Variants in RBFOX1 observed in about 807,000 individuals in gnomAD.
The protein encoded by RBFOX1 is RNA binding fox-1 homolog 1.
A neutral mutation model predicts 57.7 loss-of-function variants in RBFOX1; 8 were observed. That is an observed-to-expected ratio of 0.14 (90% CI 0.08 to 0.25). The LOEUF (loss-of-function observed/expected upper bound fraction) is 0.25. Ranked by LOEUF, RBFOX1 falls within the 10% of genes least tolerant of loss-of-function variation. RBFOX1 has a pLI of 1.00. For missense variants in RBFOX1, 611 were observed against 548.5 expected, an observed-to-expected ratio of 1.11 and a Z score of -1.14; for synonymous variants, 326 against 222.4, an observed-to-expected ratio of 1.47 and a Z score of -4.15.
intron 4 of RBFOX1, among the ~76,000 whole-genome samples, chr16:5,905,021 C>T (rs1322845237): frequency 6.2e-5 from 9 of 144,862 alleles, no homozygotes; most frequent in Non-Finnish European, 1.4e-4. Context: ...AAAATAAGTT[C>T]ACTGGGTGAG....
intron 2 of RBFOX1, among the ~76,000 whole-genome samples, chr16:6,470,758 C>A (rs1397670365): frequency 1.3e-5 from 2 of 152,168 alleles, no homozygotes; most frequent in East Asian, 3.8e-4. Flanking sequence ...AGGAGTTGGC[C>A]TTGACTTTTT....
chr16:6,457,636 C>G (rs187252536), intron 2 of RBFOX1, among the ~76,000 whole-genome samples: 6 of 152,234 alleles, frequency 3.9e-5, no homozygotes, highest in Admixed American at 2.0e-4. Context: ...ATTAAGGACC[C>G]GTTTTATGAG....
chr16:7,630,002 C>A (rs1433868611), intron 10 of RBFOX1, among the ~76,000 whole-genome samples: 1 of 152,266 alleles, frequency 6.6e-6, no homozygotes, highest in Middle Eastern at 3.4e-3. Context: ...TTCTGTTCTT[C>A]CTCTGAAGAA....
chr16:6,800,612 G>T (rs181278794), intron 3 of RBFOX1, among the ~76,000 whole-genome samples: 1 of 151,966 alleles, frequency 6.6e-6, no homozygotes, highest in African/African-American at 2.4e-5. Context: ...GCAAATTCAG[G>T]ATACCAACAT....
intron 4 of RBFOX1, among the ~76,000 whole-genome samples, chr16:5,879,021 A>G (rs148137282): frequency 6.6e-6 from 1 of 152,366 alleles, no homozygotes; most frequent in Admixed American, 6.5e-5. Context: ...TGTCTTCAGC[A>G]GCAGCACAGG....
rs575235024 is a variant in RBFOX1, at chr16:5,897,016, C to CTTTTTTTTTTTTTTTTTTTTTTTT, written c.351+29688_351+29711dup. 6.4e-4 allele frequency among the ~76,000 whole-genome samples: 36 copies of CTTTTTTTTTTTTTTTTTTTTTTTT among 56,468 alleles called. 7 individuals carry two copies. Among genetic ancestry groups the CTTTTTTTTTTTTTTTTTTTTTTTT allele is most frequent in the Middle Eastern group, 0.016 (1 of 62 alleles). The allele number at this position is 56,468 out of a possible 152,430, so 37.0% of individuals were successfully genotyped here. A position where few individuals can be genotyped will look rare whatever the true frequency, so the allele number is the denominator to read the frequency against. On this transcript the variant is annotated intron_variant, in intron 4 of 19. Coordinates refer to the RBFOX1 transcript ENST00000641259. Reference sequence around the variant, plus strand: ...CCCCCACTAAAAATGTATCCATCCGCTTTTTTTTTTTTTTTTTTTTTTTTT... The same window carrying CTTTTTTTTTTTTTTTTTTTTTTTT: ...CCCCCACTAAAAATGTATCCATCCGCTTTTTTTTTTTTTTTTTTTTTTTTTTTTTTTTTTTTTTTTTTTTTTTTT...
intron 2 of RBFOX1, among the ~76,000 whole-genome samples, chr16:6,609,656 C>T (rs930293589): frequency 6.6e-6 from 1 of 152,098 alleles, no homozygotes; most frequent in East Asian, 1.9e-4. Context: ...TGAAGTTAAC[C>T]CTATGTAAAG....
chr16:7,284,220 A>G (rs576622472), intron 4 of RBFOX1, among the ~76,000 whole-genome samples: 1 of 152,322 alleles, frequency 6.6e-6, no homozygotes, highest in Non-Finnish European at 1.5e-5. Flanking sequence ...TGATTATGAA[A>G]CAGTTGCTGT....
At chr16:5,331,292 C>T (rs899583970) in intron 1 of RBFOX1, among the ~76,000 whole-genome samples, 16 of 152,222 alleles carry the variant, frequency 1.1e-4, no homozygotes, top group East Asian at 3.8e-4. Context: ...CTTTGGGCTT[C>T]GTATCAGTCA....
intron 11 of RBFOX1, among the ~76,000 whole-genome samples, chr16:7,646,788 G>T (rs571457297): frequency 2.0e-5 from 3 of 152,128 alleles, no homozygotes; most frequent in African/African-American, 2.4e-5. Context: ...ATTTTCCACT[G>T]GTTTTGTGTT....
intron 1 of RBFOX1, among the ~76,000 whole-genome samples, chr16:5,247,521 A>T (rs542425302): frequency 1.3e-5 from 2 of 152,176 alleles, no homozygotes; most frequent in Non-Finnish European, 2.9e-5. Context: ...TACAAGATGG[A>T]TGGGTCCTTG....
intron 4 of RBFOX1, among the ~76,000 whole-genome samples, chr16:7,447,221 C>G (rs145171229): frequency 6.6e-6 from 1 of 151,894 alleles, no homozygotes; most frequent in African/African-American, 2.4e-5. Context: ...TAATTGAGGT[C>G]AGGAGTTCGA....
chr16:6,717,031 T>C (rs1243801722), intron 3 of RBFOX1, among the ~76,000 whole-genome samples: 2 of 152,110 alleles, frequency 1.3e-5, no homozygotes, highest in African/African-American at 4.8e-5. Context: ...CTCTCAACCA[T>C]GTGAGGATAC....
intron 4 of RBFOX1, among the ~76,000 whole-genome samples, chr16:7,091,196 A>G (rs1426313097): frequency 6.6e-6 from 1 of 151,606 alleles, no homozygotes; most frequent in East Asian, 1.9e-4. Flanking sequence ...ACATTTTCTC[A>G]TTTACATTCC....
At chr16:6,252,067 C>T (rs2097618586) in intron 1 of RBFOX1, among the ~76,000 whole-genome samples, 1 of 152,080 alleles carries the variant, frequency 6.6e-6, no homozygotes, top group South Asian at 2.1e-4. Flanking sequence ...GTTCGTGGCC[C>T]TGAGCATTTC....
At chr16:6,429,648 G>A in intron 2 of RBFOX1, among the ~76,000 whole-genome samples, 1 of 152,152 alleles carries the variant, frequency 6.6e-6, no homozygotes, top group Non-Finnish European at 1.5e-5. Flanking sequence ...TTGAATCATG[G>A]GGGCAGTTTC....
intron 5 of RBFOX1, among the ~76,000 whole-genome samples, chr16:7,523,354 A>G (rs1235919060): frequency 6.6e-6 from 1 of 152,236 alleles, no homozygotes; most frequent in East Asian, 1.9e-4. Context: ...GTGAGGATGC[A>G]GAGAAATTTT....
chr16:7,595,760 A>T (rs2094652123), intron 8 of RBFOX1, 119 bp downstream of exon 8: 1 of 282,726 alleles, frequency 3.5e-6, no homozygotes. Context: ...CTCATTGTTT[A>T]TATATATATA....
chr16:6,911,056 C>T (rs1596971350), intron 3 of RBFOX1, among the ~76,000 whole-genome samples: 1 of 151,916 alleles, frequency 6.6e-6, no homozygotes, highest in East Asian at 1.9e-4. Flanking sequence ...CAAAAATTAG[C>T]CGAGCGTGGT....
Sources: gnomAD v4.1 joint callset for allele counts (sites outside exome capture counted in the v4.1 genomes callset) on GRCh38, gnomAD v4.1.1 for gene constraint, MANE v1.5 for transcripts, NCBI Gene and HGNC (gene_info 2026-07-23, HGNC 2026-07-21) for gene names.